Variants in SORCS3 observed in about 807,000 individuals in gnomAD.
SORCS3 encodes the protein sortilin related VPS10 domain containing receptor 3.
SORCS3 carries 57 observed loss-of-function variants against 146.3 expected under a neutral mutation model. That is an observed-to-expected ratio of 0.39 (90% confidence interval 0.31 to 0.49). The LOEUF (loss-of-function observed/expected upper bound fraction) is 0.49. Among genes scored for constraint, SORCS3 ranks in the 20% least tolerant of loss-of-function variants. The pLI, the probability that SORCS3 is intolerant of heterozygous loss-of-function variation, is 0.92. For missense variants in SORCS3, 1,341 were observed against 1,575.5 expected, an observed-to-expected ratio of 0.85 and a Z score of 2.52; for synonymous variants, 653 against 618.5, an observed-to-expected ratio of 1.06 and a Z score of -0.83.
Position 105,178,089 on chromosome 10 carries a change from C to G in SORCS3, c.1925C>G (p.Ser642Cys), listed in dbSNP as rs1380881824. The G allele has an allele frequency of 6.2e-7, 1 of 1,613,544 alleles. No individual in the cohort carries two copies. Among genetic ancestry groups the G allele is most frequent in the South Asian group, 1.1e-5 (1 of 90,994 alleles). ...AGGGTGAGTTTTGATGAGGGCCACT[C>G]TTGGGACAAGTATGGTTTCACTTCG... Reference protein sequence around the residue: ...HLWVSFDEGHSWDKYGFTSVP... With the variant: ...HLWVSFDEGHCWDKYGFTSVP... The change falls in exon 14 of 27, where the codon TCT (serine) becomes TGT (cysteine). Residue 642 changes from serine to cysteine, a missense_variant. Transcript: ENST00000369701.
chr10:105,122,940 C>G (rs1346952035), intron 7 of SORCS3, among the ~76,000 whole-genome samples: 1 of 152,196 alleles, frequency 6.6e-6, no homozygotes, highest in Non-Finnish European at 1.5e-5. Flanking sequence ...GGGTTTAAGT[C>G]TGGCCTCATC....
chr10:105,160,960 T>C (rs2056257155), intron 11 of SORCS3, among the ~76,000 whole-genome samples: 1 of 152,210 alleles, frequency 6.6e-6, no homozygotes, highest in South Asian at 2.1e-4. Context: ...TGGAAGTATG[T>C]GTCTATAAGA....
intron 1 of SORCS3, among the ~76,000 whole-genome samples, chr10:104,652,374 A>G (rs2015573654): frequency 6.6e-6 from 1 of 152,182 alleles, no homozygotes; most frequent in Admixed American, 6.5e-5. Context: ...TAGGTCAGTC[A>G]TTTCTTGATG....
intron 1 of SORCS3, among the ~76,000 whole-genome samples, chr10:104,772,747 T>G (rs540641091): frequency 1.3e-5 from 2 of 152,324 alleles, no homozygotes; most frequent in South Asian, 4.1e-4. Flanking sequence ...TGCTTGTCCT[T>G]GAAGACTCAG....
chr10:104,950,319 G>A (rs940995418), intron 3 of SORCS3, among the ~76,000 whole-genome samples: 6 of 152,208 alleles, frequency 3.9e-5, no homozygotes, highest in African/African-American at 1.4e-4. Context: ...GGTTAGAAAG[G>A]TTGGATGCTA....
At chr10:105,238,898 A>G (rs905510592) in intron 20 of SORCS3, among the ~76,000 whole-genome samples, 1 of 152,320 alleles carries the variant, frequency 6.6e-6, no homozygotes, top group East Asian at 1.9e-4. Flanking sequence ...CCCACCTATT[A>G]CCACCAGTCA....
intron 1 of SORCS3, among the ~76,000 whole-genome samples, chr10:104,787,494 T>C (rs2017452188): frequency 6.6e-6 from 1 of 152,130 alleles, no homozygotes; most frequent in Non-Finnish European, 1.5e-5. Context: ...GGACTCACAT[T>C]TTAGGCAACC....
intron 1 of SORCS3, among the ~76,000 whole-genome samples, chr10:104,787,217 G>T (rs1257955638): frequency 6.6e-6 from 1 of 152,154 alleles, no homozygotes; most frequent in Non-Finnish European, 1.5e-5. Flanking sequence ...CTGGGGGTGG[G>T]ATTGGGGAGG....
chr10:105,074,194 C>G (rs1232937169), intron 5 of SORCS3, among the ~76,000 whole-genome samples: 1 of 152,190 alleles, frequency 6.6e-6, no homozygotes, highest in Non-Finnish European at 1.5e-5. Context: ...TCCAGACAAG[C>G]CTGCACGGTG....
intron 14 of SORCS3, among the ~76,000 whole-genome samples, chr10:105,179,301 T>TA (rs1344211300): frequency 6.6e-6 from 1 of 152,154 alleles, no homozygotes; most frequent in Non-Finnish European, 1.5e-5. Context: ...CATCTAATCT[T>TA]AAATGGTAAT....
intron 1 of SORCS3, among the ~76,000 whole-genome samples, chr10:104,733,351 A>C (rs2016729959): frequency 6.6e-6 from 1 of 151,920 alleles, no homozygotes; most frequent in African/African-American, 2.4e-5. Context: ...AATCTTTGAT[A>C]ATTTTTTTTT....
At chr10:104,834,571 C>A (rs146382858) in intron 1 of SORCS3, among the ~76,000 whole-genome samples, 1 of 151,842 alleles carries the variant, frequency 6.6e-6, no homozygotes, top group East Asian at 1.9e-4. Context: ...CACCTGCCAC[C>A]CCCCCAGCCC....
chr10:105,260,776 G>C (rs2056956091), intron 25 of SORCS3, among the ~76,000 whole-genome samples: 1 of 152,168 alleles, frequency 6.6e-6, no homozygotes, highest in Non-Finnish European at 1.5e-5. Flanking sequence ...TTCCTTTAGA[G>C]TTGCATGGGA....
At chr10:105,111,252 AG>A (rs2055857123) in intron 7 of SORCS3, among the ~76,000 whole-genome samples, 1 of 152,188 alleles carries the variant, frequency 6.6e-6, no homozygotes, top group Non-Finnish European at 1.5e-5. Context: ...TCCTGTAGGA[AG>A]TCTTCCCTGA....
At chr10:105,129,992 C>T (rs1207224323) in intron 7 of SORCS3, among the ~76,000 whole-genome samples, 1 of 152,124 alleles carries the variant, frequency 6.6e-6, no homozygotes. Context: ...TAGTCAGTCT[C>T]CAGAAGACCT....
chr10:104,795,744 T>C (rs1344118486), intron 1 of SORCS3, among the ~76,000 whole-genome samples: 1 of 152,198 alleles, frequency 6.6e-6, no homozygotes, highest in East Asian at 1.9e-4. Context: ...AGACCAGAGA[T>C]GATGGGAGCT....
At chr10:104,917,814 G>T (rs1182668880) in intron 3 of SORCS3, among the ~76,000 whole-genome samples, 1 of 152,202 alleles carries the variant, frequency 6.6e-6, no homozygotes, top group Non-Finnish European at 1.5e-5. Flanking sequence ...CAAAAGACAA[G>T]ATTTCCTTTT....
chr10:105,013,964 TAGACACAC>T (rs1019147387), intron 4 of SORCS3, among the ~76,000 whole-genome samples: 26 of 131,764 alleles, frequency 2.0e-4, no homozygotes, highest in South Asian at 1.7e-3. Context: ...TTAGTTTGTG[TAGACACAC>T]AGACACACAG....
At chr10:105,213,569 C>T (rs932388547) in intron 17 of SORCS3, among the ~76,000 whole-genome samples, 4 of 152,042 alleles carry the variant, frequency 2.6e-5, no homozygotes, top group Non-Finnish European at 5.9e-5. Flanking sequence ...TCAGTGCAGC[C>T]TTATAGATGG....
Sources: gnomAD v4.1 joint callset for allele counts (sites outside exome capture counted in the v4.1 genomes callset) on GRCh38, gnomAD v4.1.1 for gene constraint, MANE v1.5 for transcripts, NCBI Gene and HGNC (gene_info 2026-07-23, HGNC 2026-07-21) for gene names.